The following CLASP2 variants were observed in gnomAD, a reference collection of about 807,000 sequenced individuals.
The protein encoded by CLASP2 is cytoplasmic linker associated protein 2.
A neutral mutation model predicts 194.4 loss-of-function variants in CLASP2; 47 were observed. The observed-to-expected ratio is 0.24, with a 90% CI of 0.19 to 0.31. CLASP2 has a LOEUF of 0.31. Among genes scored for constraint, CLASP2 ranks in the 10% least tolerant of loss-of-function variants. CLASP2 has a pLI of 1.00. For missense variants in CLASP2, 1,445 were observed against 1,823.6 expected (o/e 0.79, Z 3.78); for synonymous variants, 619 against 633.5 (o/e 0.98, Z 0.34).
intron 30 of CLASP2, among the ~76,000 whole-genome samples, chr3:33,549,542 T>C (rs1216151979): frequency 2.0e-5 from 3 of 152,148 alleles, no homozygotes; most frequent in Non-Finnish European, 4.4e-5. Flanking sequence ...TACCTTTCTA[T>C]TATTGACTCT....
At chr3:33,564,825 A>G (rs2062406089) in intron 27 of CLASP2, among the ~76,000 whole-genome samples, 1 of 152,096 alleles carries the variant, frequency 6.6e-6, no homozygotes, top group South Asian at 2.1e-4. Flanking sequence ...CCTGGCCTTA[A>G]GCAATCCTCT....
At chr3:33,635,160 T>C (rs1340883414) in intron 8 of CLASP2, among the ~76,000 whole-genome samples, 2 of 151,300 alleles carry the variant, frequency 1.3e-5, no homozygotes, top group African/African-American at 4.9e-5. Context: ...CTTGGGAGGC[T>C]GAGGCACGAG....
intron 7 of CLASP2, chr3:33,659,105 T>C: frequency 1.4e-6 from 2 of 1,480,524 alleles, no homozygotes; most frequent in Admixed American, 2.4e-5. Flanking sequence ...CGGAGCACTG[T>C]GTGACCCAGG....
chr3:33,588,419 T>C (rs951075719), intron 21 of CLASP2, among the ~76,000 whole-genome samples: 4 of 152,228 alleles, frequency 2.6e-5, no homozygotes, highest in Admixed American at 2.0e-4. Context: ...CCTAAAGTTT[T>C]CAAACTACCA....
intron 10 of CLASP2, among the ~76,000 whole-genome samples, chr3:33,622,571 T>G (rs1370907288): frequency 2.0e-5 from 3 of 152,172 alleles, no homozygotes; most frequent in Admixed American, 1.3e-4. Flanking sequence ...TTTTATTTAT[T>G]TATTCATTTG....
chr3:33,682,384 G>A (rs1333478520), intron 6 of CLASP2, among the ~76,000 whole-genome samples: 1 of 152,156 alleles, frequency 6.6e-6, no homozygotes, highest in African/African-American at 2.4e-5. Flanking sequence ...CAGCACAAGG[G>A]TAAGTAGTCT....
At chr3:33,701,814 A>G (rs1340069514) in intron 1 of CLASP2, among the ~76,000 whole-genome samples, 1 of 152,266 alleles carries the variant, frequency 6.6e-6, no homozygotes, top group Non-Finnish European at 1.5e-5. Flanking sequence ...ACAAAAATCA[A>G]CTCAAAAATG....
At chr3:33,600,831 A>G (rs2071892081) in intron 18 of CLASP2, among the ~76,000 whole-genome samples, 1 of 152,156 alleles carries the variant, frequency 6.6e-6, no homozygotes, top group Non-Finnish European at 1.5e-5. Context: ...TAAAAACATA[A>G]TTATGTAAAC....
rs140057563 is a variant in CLASP2, at chr3:33,671,201, GA to G, written c.645-7687del. On this transcript the variant is annotated intron_variant, in intron 6 of 38. Transcript: ENST00000682230. The stretch of plus-strand genomic sequence containing the variant: ...AAACATTTGTGAGGTTCACAATTCA[GA>G]GACAGAGGCTCACTAAAAGAGACCT... 2.6e-5 allele frequency among the ~76,000 whole-genome samples: 4 copies of G among 152,274 alleles called. No individual in the cohort carries two copies. In the East Asian group the frequency reaches 7.7e-4, roughly 29 times the overall value.
chr3:33,543,463 G>A lies in CLASP2; in HGVS notation c.3374C>T (p.Thr1125Ile). 6.2e-7 allele frequency: 1 copy of A among 1,609,866 alleles called. No homozygotes were observed. Among genetic ancestry groups the A allele is most frequent in the Non-Finnish European group, 8.5e-7 (1 of 1,176,136 alleles). ...AGATAAAGTATTCTGTGATGTATTGGTAGGAGAAGTAAGAGGACTGGACCA... is the reference window on the plus strand; with the variant it reads ...AGATAAAGTATTCTGTGATGTATTGATAGGAGAAGTAAGAGGACTGGACCA... ...ANWSSPLTSP[T>I]NTSQNTLSPS... is the part of the protein sequence containing the mutation. The change falls in exon 32 of 39, where the codon ACC (threonine) becomes ATC (isoleucine). Residue 1125 changes from threonine (T) to isoleucine (I), a missense_variant. Coordinates refer to ENST00000682230, the MANE Select transcript of CLASP2 (RefSeq NM_001365631.1).
chr3:33,617,214 A>G (rs752254357), intron 12 of CLASP2, among the ~76,000 whole-genome samples: 5 of 152,112 alleles, frequency 3.3e-5, no homozygotes, highest in Admixed American at 6.5e-5. Flanking sequence ...CTTCCTGGGA[A>G]AGTAATATTA....
At chr3:33,654,225 C>T (rs1436918372) in intron 7 of CLASP2, among the ~76,000 whole-genome samples, 1 of 152,116 alleles carries the variant, frequency 6.6e-6, no homozygotes, top group Non-Finnish European at 1.5e-5. Flanking sequence ...TCTACGGAAT[C>T]GTTTTATCAA....
chr3:33,663,639 ACT>A (rs2085675566), intron 6 of CLASP2, 124 bp from the exon 7 acceptor site: 1 of 636,192 alleles, frequency 1.6e-6, no homozygotes, highest in East Asian at 2.8e-5. Context: ...TTTCTATACA[ACT>A]CTCTTTCACA....
chr3:33,685,033 T>A (rs1462604873), intron 5 of CLASP2, among the ~76,000 whole-genome samples: 1 of 137,390 alleles, frequency 7.3e-6, no homozygotes. Flanking sequence ...AAATAAATAA[T>A]AATAATAATA....
intron 34 of CLASP2, among the ~76,000 whole-genome samples, chr3:33,531,926 G>C (rs1318443214): frequency 6.6e-6 from 1 of 152,172 alleles, no homozygotes; most frequent in Admixed American, 6.5e-5. Flanking sequence ...TGGTGGTGGG[G>C]AAGTAAAATG....
intron 18 of CLASP2, among the ~76,000 whole-genome samples, chr3:33,602,014 C>T (rs1443377027): frequency 6.6e-6 from 1 of 150,690 alleles, no homozygotes; most frequent in Non-Finnish European, 1.5e-5. Flanking sequence ...ATCCGAAATA[C>T]CTTTTTTTTT....
intron 23 of CLASP2, among the ~76,000 whole-genome samples, chr3:33,581,378 A>C (rs2066105994): frequency 6.6e-6 from 1 of 152,238 alleles, no homozygotes; most frequent in Non-Finnish European, 1.5e-5. Context: ...AGTAGTTCAG[A>C]TGTTATTTTG....
At position 33,497,919 on chromosome 3, in the gene CLASP2, G is replaced by A. The variant is rs878919072; in HGVS notation, c.*712C>T. On this transcript the variant is annotated 3_prime_UTR_variant, in exon 39 of 39. Coordinates refer to ENST00000682230, the MANE Select transcript of CLASP2 (RefSeq NM_001365631.1). ...CAAGAAAAAACAGGCAGATGATTTG[G>A]TGCAGCTTTCTTAAGGGATCATAGA... 1 of 152,586 alleles carries A rather than the reference G, an allele frequency of 6.6e-6. No individual in the cohort carries two copies. Among genetic ancestry groups the A allele is most frequent in the South Asian group, 2.1e-4 (1 of 4,828 alleles). 9.5% of individuals were successfully genotyped at this position (152,586 alleles called of 1,614,324 possible). A position where few individuals can be genotyped will look rare whatever the true frequency, so the allele number is the denominator to read the frequency against.
At chr3:33,573,088 A>G in intron 25 of CLASP2, 22 bp downstream of exon 25, 10 of 1,611,892 alleles carry the variant, frequency 6.2e-6, no homozygotes, top group Non-Finnish European at 7.6e-6. Context: ...TAGTAAAATC[A>G]TTTTAAGACA....
Sources: gnomAD v4.1 joint callset for allele counts (sites outside exome capture counted in the v4.1 genomes callset) on GRCh38, gnomAD v4.1.1 for gene constraint, MANE v1.5 for transcripts, NCBI Gene and HGNC (gene_info 2026-07-23, HGNC 2026-07-21) for gene names.